PIK3CB: variants seen among roughly 807,000 people sequenced by gnomAD.
PIK3CB encodes the protein phosphatidylinositol 4,5-bisphosphate 3-kinase catalytic subunit beta isoform.
A neutral mutation model predicts 136.8 loss-of-function variants in PIK3CB; 39 were observed. That is an observed-to-expected ratio of 0.29 (90% CI 0.22 to 0.37). PIK3CB has a LOEUF of 0.37. Ranked by LOEUF, PIK3CB falls within the 10% of genes least tolerant of loss-of-function variation. The pLI, the probability that PIK3CB is intolerant of heterozygous loss-of-function variation, is 1.00. For missense variants in PIK3CB, 868 were observed against 1,275.4 expected, an observed-to-expected ratio of 0.68 and a Z score of 4.87; for synonymous variants, 428 against 436.6, an observed-to-expected ratio of 0.98 and a Z score of 0.25.
chr3:138,738,132 ATTTAACTAAAGGTTACCATTAGGCATT>A (rs1335636743), intron 5 of PIK3CB, among the ~76,000 whole-genome samples: 4 of 152,006 alleles, frequency 2.6e-5, no homozygotes, highest in Non-Finnish European at 5.9e-5. Context: ...TAAGATTAAT[ATTTAACTAAAGGTTACCATTAGGCATT>A]TTCCAATGAA....
At chr3:138,694,385 T>G (rs1577082782) in intron 14 of PIK3CB, among the ~76,000 whole-genome samples, 2 of 152,134 alleles carry the variant, frequency 1.3e-5, no homozygotes, top group East Asian at 3.9e-4. Flanking sequence ...ATAAAAGTGT[T>G]TGGGGTGACT....
intron 2 of PIK3CB, among the ~76,000 whole-genome samples, chr3:138,786,865 CTT>C (rs1264044563): frequency 6.6e-6 from 1 of 152,134 alleles, no homozygotes. Flanking sequence ...AAGTGAAATG[CTT>C]GCAGCAAAGA....
In PIK3CB at chr3:138,759,281, A is replaced by G; in HGVS notation, c.63T>C (p.Asp21=). The change falls in exon 3 of 24, where the codon GAT becomes GAC. Residue 21 remains aspartate (D), a synonymous_variant. Transcript: ENST00000674063. ...TGGAGCCATCAGATGCTATCTGTGA[A>G]TCCACCGCCCAGATGTCAAGGATGT... The part of the protein sequence containing the change: ...MADILDIWAV[D]SQIASDGSIP... 1 of 1,613,100 alleles carries G rather than the reference A, an allele frequency of 6.2e-7. No individual in the cohort carries two copies. Among genetic ancestry groups the G allele is most frequent in the Non-Finnish European group, 8.5e-7 (1 of 1,179,164 alleles).
chr3:138,701,515 G>A (rs1280047363), intron 12 of PIK3CB, among the ~76,000 whole-genome samples: 2 of 152,148 alleles, frequency 1.3e-5, no homozygotes, highest in African/African-American at 4.8e-5. Context: ...GGCCGGGCGT[G>A]GTGGCTGACG....
chr3:138,682,278 T>C (rs1303090577), intron 18 of PIK3CB, among the ~76,000 whole-genome samples: 1 of 152,260 alleles, frequency 6.6e-6, no homozygotes, highest in African/African-American at 2.4e-5. Context: ...TTACATCCTA[T>C]TGAATATAAG....
chr3:138,827,889 G>A (rs950279970), intron 1 of PIK3CB, among the ~76,000 whole-genome samples: 1 of 151,782 alleles, frequency 6.6e-6, no homozygotes, highest in African/African-American at 2.4e-5. Context: ...TCAGGAGGCT[G>A]AAGCAGGAAA....
At chr3:138,728,596 T>C (rs1185998960) in intron 8 of PIK3CB, among the ~76,000 whole-genome samples, 7 of 151,250 alleles carry the variant, frequency 4.6e-5, no homozygotes, top group Non-Finnish European at 1.0e-4. Flanking sequence ...GCTAACATGG[T>C]GAAACCCCGT....
At chr3:138,701,797 A>G (rs1406612410) in intron 12 of PIK3CB, among the ~76,000 whole-genome samples, 2 of 150,936 alleles carry the variant, frequency 1.3e-5, no homozygotes, top group Non-Finnish European at 3.0e-5. Context: ...AAAAAAAAAA[A>G]AAAAGAAAAA....
chr3:138,753,434 T>C (rs1422438769), intron 4 of PIK3CB, among the ~76,000 whole-genome samples: 1 of 151,978 alleles, frequency 6.6e-6, no homozygotes, highest in East Asian at 1.9e-4. Flanking sequence ...GGCAGGAGAA[T>C]CTCTTGAACC....
chr3:138,736,845 G>T, intron 6 of PIK3CB, among the ~76,000 whole-genome samples: 1 of 152,068 alleles, frequency 6.6e-6, no homozygotes, highest in South Asian at 2.1e-4. Context: ...ACAAAAAAGG[G>T]GCAAGGGAAA....
intron 13 of PIK3CB, among the ~76,000 whole-genome samples, chr3:138,695,573 T>G (rs188773517): frequency 1.8e-3 from 271 of 152,320 alleles, no homozygotes; most frequent in Admixed American, 5.0e-3. Flanking sequence ...ATCTACCAGC[T>G]AAGTTAAAAG....
intron 12 of PIK3CB, among the ~76,000 whole-genome samples, chr3:138,703,811 T>C (rs1157478677): frequency 6.6e-6 from 1 of 152,170 alleles, no homozygotes; most frequent in South Asian, 2.1e-4. Flanking sequence ...AGCGCATGAC[T>C]GATGGCGTGG....
intron 7 of PIK3CB, among the ~76,000 whole-genome samples, chr3:138,734,058 A>T (rs1021713588): frequency 1.3e-5 from 2 of 152,172 alleles, no homozygotes; most frequent in Admixed American, 6.5e-5. Flanking sequence ...TAGAAATAAC[A>T]TCATCAAGGA....
chr3:138,716,720 A>C (rs1262298805), intron 8 of PIK3CB, among the ~76,000 whole-genome samples: 1 of 151,570 alleles, frequency 6.6e-6, no homozygotes, highest in Non-Finnish European at 1.5e-5. Context: ...ACATGGTGGA[A>C]CACCATCTCT....
At chr3:138,744,988 T>C (rs939229990) in intron 4 of PIK3CB, among the ~76,000 whole-genome samples, 3 of 152,226 alleles carry the variant, frequency 2.0e-5, no homozygotes, top group Admixed American at 6.5e-5. Flanking sequence ...TTTCCTTGAT[T>C]GGTTCTGTTG....
chr3:138,788,572 G>A (rs1035884554), intron 2 of PIK3CB, among the ~76,000 whole-genome samples: 1 of 144,336 alleles, frequency 6.9e-6, no homozygotes, highest in Non-Finnish European at 1.5e-5. Flanking sequence ...CAGGAGAATC[G>A]CTTAAACCTG....
At chr3:138,789,275 T>C (rs1321989302) in intron 2 of PIK3CB, among the ~76,000 whole-genome samples, 1 of 152,062 alleles carries the variant, frequency 6.6e-6, no homozygotes. Context: ...CTGGGCAACG[T>C]GGCGAAACAC....
At chr3:138,754,021 T>C (rs2108713952) in intron 4 of PIK3CB, among the ~76,000 whole-genome samples, 1 of 152,276 alleles carries the variant, frequency 6.6e-6, no homozygotes, top group East Asian at 1.9e-4. Context: ...TATCAAAATA[T>C]TGTCGGTCAA....
intron 19 of PIK3CB, among the ~76,000 whole-genome samples, chr3:138,667,243 G>A (rs1220993124): frequency 1.3e-5 from 2 of 151,168 alleles, no homozygotes; most frequent in African/African-American, 2.4e-5. Flanking sequence ...CTTCCATGTG[G>A]AGGAATGACA....
Sources: gnomAD v4.1 joint callset for allele counts (sites outside exome capture counted in the v4.1 genomes callset) on GRCh38, gnomAD v4.1.1 for gene constraint, MANE v1.5 for transcripts, NCBI Gene and HGNC (gene_info 2026-07-23, HGNC 2026-07-21) for gene names.